RAI14: variants seen among roughly 807,000 people sequenced by gnomAD.
RAI14 encodes the protein ankycorbin.
Under a neutral mutation model 115.4 loss-of-function variants are expected in RAI14, and 45 were observed. The ratio of observed to expected loss-of-function variants is 0.39; its 90% confidence interval spans 0.31 to 0.50. The LOEUF is 0.50. RAI14 is among the 20% of genes least tolerant of loss of function. The probability of loss-of-function intolerance (pLI) is 0.85; values close to 1 mark genes in which losing one functional copy is unlikely to be tolerated. For synonymous variants in RAI14, 371 were observed against 415.4 expected (o/e 0.89, Z 1.30); for missense variants, 939 against 1,131.2 (o/e 0.83, Z 2.44).
At chr5:34,798,533 C>G (rs1580297673) in intron 4 of RAI14, among the ~76,000 whole-genome samples, 1 of 152,184 alleles carries the variant, frequency 6.6e-6, no homozygotes, top group Non-Finnish European at 1.5e-5. Context: ...ATAATAAATT[C>G]TATATCCTGC....
chr5:34,830,658 T>A (rs1489235549), intron 17 of RAI14, 30 bp from the exon 18 acceptor site: 24 of 1,613,744 alleles, frequency 1.5e-5, no homozygotes, highest in Non-Finnish European at 1.9e-5. Context: ...ATTTAGGTTC[T>A]AATGAGTATC....
chr5:34,823,910 G>T lies in RAI14; in HGVS notation c.2068G>T (p.Val690Leu), dbSNP rs776829641. ...EHEKLMQLTNVSRAKAEDALS... is the reference protein window; with the variant it reads ...EHEKLMQLTNLSRAKAEDALS... The stretch of plus-strand genomic sequence containing the variant: ...TGAGAAACTGATGCAATTGACAAAC[G>T]TGTCCAGGGCTAAAGCAGAAGATGC... Residue 690 changes from valine to leucine, a missense_variant, in exon 15 of 18, where the codon GTG becomes TTG. Val to Leu is a conservative substitution (Grantham distance 32). Transcript: ENST00000265109. This position sits in a 1 kb window ranked among gnomAD's most constrained non-coding sequence, Gnocchi z 4.5. 4 of 1,614,168 alleles carry T rather than the reference G, an allele frequency of 2.5e-6. No individual in the cohort carries two copies. Among genetic ancestry groups the T allele is most frequent in the African/African-American group, 1.3e-5 (1 of 75,060 alleles).
chr5:34,726,083 G>C (rs576863303), intron 2 of RAI14, among the ~76,000 whole-genome samples: 1 of 151,220 alleles, frequency 6.6e-6, no homozygotes, highest in Non-Finnish European at 1.5e-5. Context: ...TTTTGTAAAA[G>C]ATTTCAGAGA....
intron 2 of RAI14, chr5:34,733,173 G>A (rs918055620): frequency 5.3e-5 from 8 of 152,178 alleles, no homozygotes; most frequent in African/African-American, 1.9e-4. Context: ...GAGGCACAAG[G>A]TTAAAGAAAT....
chr5:34,818,978 C>A, intron 13 of RAI14, 127 bp downstream of exon 13: 1 of 784,436 alleles, frequency 1.3e-6, no homozygotes, highest in Non-Finnish European at 2.0e-6. Context: ...CCACACAGAG[C>A]TGCCAGTAAT....
At chr5:34,776,798 C>CTCCGT (rs200849101) in intron 3 of RAI14, among the ~76,000 whole-genome samples, 4 of 146,578 alleles carry the variant, frequency 2.7e-5, no homozygotes, top group Non-Finnish European at 4.6e-5. Context: ...CAGAGTGAGA[C>CTCCGT]CCTTTATTAA....
intron 3 of RAI14, among the ~76,000 whole-genome samples, chr5:34,785,806 AG>A (rs1377467513): frequency 2.6e-5 from 4 of 152,248 alleles, no homozygotes; most frequent in African/African-American, 9.6e-5. Context: ...CAGCACAATC[AG>A]GAGCTGTACT....
At chr5:34,735,420 G>T (rs1744742763) in intron 2 of RAI14, among the ~76,000 whole-genome samples, 2 of 152,124 alleles carry the variant, frequency 1.3e-5, no homozygotes, top group South Asian at 2.1e-4. Flanking sequence ...AATTACTGAA[G>T]ATTTTTTTAC....
At chr5:34,732,196 A>G (rs953249845) in intron 2 of RAI14, among the ~76,000 whole-genome samples, 3 of 152,062 alleles carry the variant, frequency 2.0e-5, no homozygotes, top group African/African-American at 7.2e-5. Flanking sequence ...GCTGCCAGGG[A>G]AGGTGGTGTT....
chr5:34,741,863 T>A (rs1470367761), intron 2 of RAI14, among the ~76,000 whole-genome samples: 2 of 152,022 alleles, frequency 1.3e-5, no homozygotes, highest in Non-Finnish European at 2.9e-5. Flanking sequence ...TAAAAGACAA[T>A]TGAAATGTCC....
chr5:34,775,393 G>A (rs1232690827), intron 3 of RAI14, among the ~76,000 whole-genome samples: 1 of 152,082 alleles, frequency 6.6e-6, no homozygotes, highest in Non-Finnish European at 1.5e-5. Context: ...TATATAAGGA[G>A]CTCAAACAAT....
Position 34,824,533 on chromosome 5 carries a change from C to G in RAI14, c.2649+42C>G, listed in dbSNP as rs371857175. ...TGCTGTTGGGTTTCTAGCAATAAGT[C>G]TTAGTCTCTTTGGCTTTTACTATAT... On this transcript the variant is annotated intron_variant, in intron 15 of 17. Coordinates refer to ENST00000265109, the MANE Select transcript of RAI14 (RefSeq NM_015577.3). 3.0e-5 allele frequency: 43 copies of G among 1,448,782 alleles called. No individual in the cohort carries two copies. In the African/African-American group the frequency reaches 5.3e-4, roughly 18 times the overall value. 89.7% of individuals were successfully genotyped at this position (1,448,782 alleles called of 1,614,324 possible).
chr5:34,785,502 G>A (rs1406955607), intron 3 of RAI14, among the ~76,000 whole-genome samples: 1 of 151,860 alleles, frequency 6.6e-6, no homozygotes, highest in Non-Finnish European at 1.5e-5. Flanking sequence ...TTGTCCATTG[G>A]GCCCTTCACA....
At chr5:34,799,493 G>GACACAC (rs780186006) in intron 4 of RAI14, among the ~76,000 whole-genome samples, 8,979 of 123,736 alleles carry the variant, frequency 0.073, 435 homozygotes, top group South Asian at 0.11. Flanking sequence ...CACACACACA[G>GACACAC]ACACACACAC....
chr5:34,759,299 G>T (rs950953040), intron 3 of RAI14, among the ~76,000 whole-genome samples: 1 of 152,024 alleles, frequency 6.6e-6, no homozygotes, highest in African/African-American at 2.4e-5. Context: ...TACTCTAGGG[G>T]ACACCAGGGT....
Position 34,812,204 on chromosome 5 carries a change from A to G in RAI14, c.761A>G (p.Lys254Arg). 1 of 1,583,464 alleles carries G rather than the reference A, an allele frequency of 6.3e-7. No individual in the cohort carries two copies. The highest frequency in any genetic ancestry group is 8.6e-7 in the Non-Finnish European group (1 of 1,157,466). ...DADLKTPTKP[K>R]QHDQVSKISS... ...GATTTAAAGACCCCAACAAAACCAA[A>G]GCAGGTATTTATCTTTGGGGGAGGC... The change falls in exon 10 of 18, where the codon AAG becomes AGG. Residue 254 changes from lysine (K) to arginine (R), a missense_variant. By Grantham distance (26) the Lys-to-Arg change is conservative (BLOSUM62 2). Transcript: ENST00000265109.
At chr5:34,728,706 G>T (rs985006596) in intron 2 of RAI14, 1 of 151,736 alleles carries the variant, frequency 6.6e-6, no homozygotes, top group African/African-American at 2.4e-5. Flanking sequence ...CCAGTCGTGG[G>T]TATATCTTTA....
chr5:34,751,730 G>A (rs1425169484), intron 2 of RAI14, among the ~76,000 whole-genome samples: 2 of 152,100 alleles, frequency 1.3e-5, no homozygotes, highest in Admixed American at 1.3e-4. Context: ...CGATGCTTTC[G>A]TTGACATTCT....
intron 4 of RAI14, among the ~76,000 whole-genome samples, chr5:34,798,019 G>GT (rs940458347): frequency 6.6e-6 from 1 of 152,100 alleles, no homozygotes; most frequent in Non-Finnish European, 1.5e-5. Context: ...AAATAAGTTG[G>GT]TTTTTTGTGT....
Sources: gnomAD v4.1 joint callset for allele counts (sites outside exome capture counted in the v4.1 genomes callset) on GRCh38, gnomAD v4.1.1 for gene constraint, Gnocchi (gnomAD v3.1) non-coding constraint, MANE v1.5 for transcripts, NCBI Gene and HGNC (gene_info 2026-07-23, HGNC 2026-07-21) for gene names.